RIMBP2: variants seen among roughly 807,000 people sequenced by gnomAD.
The protein encoded by RIMBP2 is RIMS binding protein 2.
RIMBP2 carries 48 observed loss-of-function variants against 118.6 expected under a neutral mutation model. The observed-to-expected ratio is 0.40, with a 90% confidence interval of 0.32 to 0.51. The LOEUF is 0.51. Among genes scored for constraint, RIMBP2 ranks in the 20% least tolerant of loss-of-function variants. RIMBP2 has a pLI of 0.41. For synonymous variants in RIMBP2, 762 were observed against 742.9 expected (o/e 1.03, Z -0.42); for missense variants, 1,551 against 1,768.3 (o/e 0.88, Z 2.20).
chr12:130,565,411 C>T (rs2057143412), intron 2 of RIMBP2, among the ~76,000 whole-genome samples: 1 of 152,150 alleles, frequency 6.6e-6, no homozygotes, highest in Admixed American at 6.5e-5. Flanking sequence ...TGTCAGCTGT[C>T]TCTCCCCAAT....
chr12:130,646,726 G>T (rs1299445666), intron 1 of RIMBP2, among the ~76,000 whole-genome samples: 1 of 152,258 alleles, frequency 6.6e-6, no homozygotes, highest in Non-Finnish European at 1.5e-5. Context: ...AATCGTTGAT[G>T]TCATCTCCTA....
At position 130,571,416 on chromosome 12, in the gene RIMBP2, A is replaced by ACATTTTTTTTTTTTTTTTTTTTTTTTTTT. The variant is rs386378267; in HGVS notation, c.-216-53500_-216-53499insAAAAAAAAAAAAAAAAAAAAAAAAAAATG. The stretch of plus-strand genomic sequence containing the variant: ...GTGTGCTACTGCTACCCATAGTAAC[A>ACATTTTTTTTTTTTTTTTTTTTTTTTTTT]TTTTTTTTTTTTTTTTTTTTGGAGA... On this transcript the variant is annotated intron_variant, in intron 2 of 22. Coordinates refer to ENST00000690449, the MANE Select transcript of RIMBP2 (RefSeq NM_001393629.1). 1.9e-5 allele frequency among the ~76,000 whole-genome samples: 2 copies of ACATTTTTTTTTTTTTTTTTTTTTTTTTTT among 104,298 alleles called. 1 individual carries two copies. The highest frequency in any genetic ancestry group is 6.4e-5 in the African/African-American group (2 of 31,068). 68.4% of individuals were successfully genotyped at this position (104,298 alleles called of 152,430 possible). A position where few individuals can be genotyped will look rare whatever the true frequency, so the allele number is the denominator to read the frequency against.
chr12:130,557,648 T>C (rs1357357785), intron 2 of RIMBP2, among the ~76,000 whole-genome samples: 3 of 152,192 alleles, frequency 2.0e-5, no homozygotes, highest in South Asian at 2.1e-4. Context: ...ATGTGTGTTG[T>C]TTGAAGCCAC....
chr12:130,693,875 G>T (rs768329998), intron 1 of RIMBP2, among the ~76,000 whole-genome samples: 2 of 152,188 alleles, frequency 1.3e-5, no homozygotes, highest in Non-Finnish European at 2.9e-5. Flanking sequence ...GAATGCAGGT[G>T]TGCTGGCTGG....
Position 130,445,233 on chromosome 12 carries a change from T to A in RIMBP2, c.618A>T (p.Glu206Asp). ...TTCCCGCCGTGAGGGGCAGCTCAGC[T>A]TCGGGGTTCTCGTTCGGTCCATCGA... ...NPFDGPNENPEAELPLTAGKY... is the reference protein window; with the variant it reads ...NPFDGPNENPDAELPLTAGKY... Residue 206 changes from glutamate (E) to aspartate (D), a missense_variant, in exon 10 of 23, where the codon GAA (glutamate) becomes GAT (aspartate). Around this residue, in one of 5 missense-constraint regions of RIMBP2, gnomAD observed 6 missense variants for 20.3 expected, o/e 0.29. Coordinates refer to ENST00000690449, the MANE Select transcript of RIMBP2 (RefSeq NM_001393629.1). The A allele has an allele frequency of 6.2e-7, 1 of 1,613,504 alleles. No homozygotes were observed. Among genetic ancestry groups the A allele is most frequent in the South Asian group, 1.1e-5 (1 of 91,004 alleles).
chr12:130,477,491 C>T (rs1566108319), intron 5 of RIMBP2, among the ~76,000 whole-genome samples: 1 of 152,182 alleles, frequency 6.6e-6, no homozygotes, highest in Non-Finnish European at 1.5e-5. Flanking sequence ...AATATTCCTG[C>T]CCGTGTCCCA....
intron 4 of RIMBP2, among the ~76,000 whole-genome samples, chr12:130,492,828 A>C (rs1258160944): frequency 2.0e-5 from 3 of 152,134 alleles, no homozygotes; most frequent in African/African-American, 7.2e-5. Flanking sequence ...TAAATGTTAG[A>C]TTCAAAGGGA....
At chr12:130,532,181 G>A (rs74787688) in intron 2 of RIMBP2, among the ~76,000 whole-genome samples, 6 of 141,204 alleles carry the variant, frequency 4.2e-5, no homozygotes, top group Admixed American at 2.2e-4. Context: ...TAGGAGGTAC[G>A]TCTAATGAGA....
At chr12:130,567,990 C>G (rs2057352835) in intron 2 of RIMBP2, among the ~76,000 whole-genome samples, 1 of 151,596 alleles carries the variant, frequency 6.6e-6, no homozygotes, top group Non-Finnish European at 1.5e-5. Context: ...TGCCATGCAC[C>G]AATTAAAAAA....
chr12:130,406,287 C>T, intron 20 of RIMBP2, 44 bp from the exon 21 acceptor site: 2 of 1,323,312 alleles, frequency 1.5e-6, no homozygotes, highest in African/African-American at 1.5e-5. Context: ...TTCTACACAA[C>T]AGTAGTAGTT....
At chr12:130,584,090 CACCTCATCACCATT>C (rs1289116079) in intron 2 of RIMBP2, among the ~76,000 whole-genome samples, 1 of 151,678 alleles carries the variant, frequency 6.6e-6, no homozygotes, top group Non-Finnish European at 1.5e-5. Flanking sequence ...TCACCACCAT[CACCTCATCACCATT>C]ACATCACCAC....
At chr12:130,480,198 TACACAC>T (rs10580090) in intron 4 of RIMBP2, among the ~76,000 whole-genome samples, 195 of 128,170 alleles carry the variant, frequency 1.5e-3, no homozygotes, top group African/African-American at 4.5e-3. Flanking sequence ...TTTCCTTTCA[TACACAC>T]ACACACACAC....
chr12:130,633,685 A>C (rs1411182666), intron 1 of RIMBP2: 1 of 152,242 alleles, frequency 6.6e-6, no homozygotes, highest in Non-Finnish European at 1.5e-5. Context: ...CTCTCAGCCC[A>C]GAAAACAACC....
chr12:130,708,979 CTA>C (rs1300974640), intron 1 of RIMBP2, among the ~76,000 whole-genome samples: 1 of 152,254 alleles, frequency 6.6e-6, no homozygotes, highest in Non-Finnish European at 1.5e-5. Flanking sequence ...CTCTCAAAGA[CTA>C]TTGTCTCATC....
chr12:130,652,023 C>A (rs2063250954), intron 1 of RIMBP2, among the ~76,000 whole-genome samples: 1 of 152,196 alleles, frequency 6.6e-6, no homozygotes, highest in South Asian at 2.1e-4. Flanking sequence ...TTACTCTTCC[C>A]TCCTGCCTCA....
At position 130,434,916 on chromosome 12, in the gene RIMBP2, G is replaced by A. The variant is rs773578122; in HGVS notation, c.2107-36C>T. 5.7e-6 allele frequency: 9 copies of A among 1,575,830 alleles called. No individual in the cohort carries two copies. In the Admixed American group the frequency reaches 1.4e-4, roughly 25 times the overall value. On this transcript the variant is annotated intron_variant, in intron 13 of 22. Coordinates refer to ENST00000690449, the MANE Select transcript of RIMBP2 (RefSeq NM_001393629.1). The surrounding 1 kb of genome is among the most constrained non-coding windows in gnomAD (Gnocchi z 5.7). The stretch of plus-strand genomic sequence containing the variant: ...AAAAGGAGGCACACGGGTGAGGCAG[G>A]GCCACCTTCAGCTACGCTCAGCCCC...
rs778864407 is a variant in RIMBP2 at position 130,688,411 on chromosome 12, A to T, written c.-352+27811T>A. 3.9e-5 allele frequency among the ~76,000 whole-genome samples: 6 copies of T among 152,174 alleles called. No individual in the cohort carries two copies. The highest frequency in any genetic ancestry group is 8.8e-5 in the Non-Finnish European group (6 of 68,038). ...ACACTCTGGGGCCATTGGATAACAC[A>T]TACGTTTGCTTAGGTATCAGATCTA... On this transcript the variant is annotated intron_variant, in intron 1 of 22. Transcript: ENST00000690449. The surrounding 1 kb of genome is among the most constrained non-coding windows in gnomAD (Gnocchi z 4.7).
chr12:130,644,426 A>ACAT (rs2062758360), intron 1 of RIMBP2, among the ~76,000 whole-genome samples: 2 of 152,186 alleles, frequency 1.3e-5, no homozygotes, highest in African/African-American at 2.4e-5. Flanking sequence ...ATACAATCGC[A>ACAT]CATCGATCTG....
Position 130,706,443 on chromosome 12 carries a change from T to C in RIMBP2, c.-352+9779A>G, listed in dbSNP as rs190493071. 4.5e-3 allele frequency among the ~76,000 whole-genome samples: 693 copies of C among 152,374 alleles called. 14 individuals are homozygous for C. The highest frequency in any genetic ancestry group is 0.039 in the Admixed American group (600 of 15,306). On this transcript the variant is annotated intron_variant, in intron 1 of 22. Transcript: ENST00000690449. ...GAGCAGAGATCGGGGCCTGCCAGCCTGGCTCCAGACTCTGCCCTGTGACTG... is the reference window on the plus strand; with the variant it reads ...GAGCAGAGATCGGGGCCTGCCAGCCCGGCTCCAGACTCTGCCCTGTGACTG...
Sources: allele counts gnomAD v4.1 joint callset (sites outside exome capture counted in the v4.1 genomes callset), GRCh38; gene constraint gnomAD v4.1.1; regional missense constraint gnomAD v4.1.1; non-coding constraint Gnocchi (gnomAD v3.1); transcripts MANE v1.5; gene names NCBI Gene and HGNC (gene_info 2026-07-23, HGNC 2026-07-21).